Variants in CERS6 observed in about 807,000 individuals in gnomAD.
CERS6 encodes the protein LAG1 homolog, ceramide synthase 6.
CERS6 carries 26 observed loss-of-function variants against 56.8 expected under a neutral mutation model. The observed-to-expected ratio is 0.46, with a 90% CI of 0.34 to 0.63. The LOEUF (loss-of-function observed/expected upper bound fraction) is 0.63. CERS6 is among the 30% of genes least tolerant of loss of function. The pLI, the probability that CERS6 is intolerant of heterozygous loss-of-function variation, is 0.01. For synonymous variants in CERS6, 164 were observed against 173.3 expected (o/e 0.95, Z 0.42); for missense variants, 415 against 467.5 (o/e 0.89, Z 1.04).
At chr2:168,504,178 G>C (rs1031773957) in intron 1 of CERS6, among the ~76,000 whole-genome samples, 3 of 152,098 alleles carry the variant, frequency 2.0e-5, no homozygotes, top group African/African-American at 7.2e-5. Context: ...TGGGAGCCAA[G>C]GTAGGCAGAT....
Position 168,724,452 on chromosome 2 carries a change from C to G in CERS6, c.845+6474C>G, listed in dbSNP as rs139373050. 7.2e-3 allele frequency among the ~76,000 whole-genome samples: 1,099 copies of G among 152,238 alleles called. 15 individuals carry two copies. Among genetic ancestry groups the G allele is most frequent in the African/African-American group, 0.025 (1,042 of 41,528 alleles). ...GGCTCGGGCAGCCTGCTTTTATTCT[C>G]TTATCTGGCCCCACCCACATCGTGC... On this transcript the variant is annotated intron_variant, in intron 8 of 9. Transcript: ENST00000305747.
intron 3 of CERS6, among the ~76,000 whole-genome samples, chr2:168,600,316 A>G (rs6742974): frequency 0.99 from 150,976 of 151,854 alleles, 75,061 homozygotes; most frequent in South Asian, 1. Context: ...GCCATTCTCC[A>G]GCCACAGCCT....
At chr2:168,694,610 G>A (rs1369619431) in intron 5 of CERS6, among the ~76,000 whole-genome samples, 1 of 152,094 alleles carries the variant, frequency 6.6e-6, no homozygotes, top group African/African-American at 2.4e-5. Flanking sequence ...GTTGTCCAGG[G>A]TTATTCTTTG....
chr2:168,581,798 T>G (rs2105396528), intron 3 of CERS6, among the ~76,000 whole-genome samples: 1 of 152,346 alleles, frequency 6.6e-6, no homozygotes, highest in East Asian at 1.9e-4. Context: ...TGGAACCTGT[T>G]TTTCCTTGTG....
chr2:168,609,661 T>G (rs975962679), intron 3 of CERS6, among the ~76,000 whole-genome samples: 1 of 152,202 alleles, frequency 6.6e-6, no homozygotes, highest in African/African-American at 2.4e-5. Context: ...TTCCCTGCTC[T>G]GTGTTACCCT....
intron 4 of CERS6, among the ~76,000 whole-genome samples, chr2:168,668,206 T>A (rs368298780): frequency 5.3e-5 from 8 of 152,316 alleles, no homozygotes; most frequent in African/African-American, 1.7e-4. Flanking sequence ...TAATCTCAAA[T>A]GTTCTTCAAT....
intron 1 of CERS6, among the ~76,000 whole-genome samples, chr2:168,505,908 A>G (rs1006649645): frequency 7.2e-5 from 11 of 152,172 alleles, no homozygotes; most frequent in Non-Finnish European, 1.6e-4. Flanking sequence ...AATAAAGAGC[A>G]TTCTTTTGTA....
intron 1 of CERS6, among the ~76,000 whole-genome samples, chr2:168,531,556 T>C (rs1483428920): frequency 6.6e-6 from 1 of 152,148 alleles, no homozygotes; most frequent in Non-Finnish European, 1.5e-5. Context: ...GTGCGGTGGC[T>C]CACGTCTGTA....
intron 8 of CERS6, among the ~76,000 whole-genome samples, chr2:168,738,667 G>A (rs1161292038): frequency 6.6e-6 from 1 of 152,022 alleles, no homozygotes; most frequent in Non-Finnish European, 1.5e-5. Flanking sequence ...ATAAGTTGTT[G>A]GTCAAAGAAA....
intron 1 of CERS6, among the ~76,000 whole-genome samples, chr2:168,540,568 C>T (rs1695349463): frequency 6.6e-6 from 1 of 152,144 alleles, no homozygotes; most frequent in African/African-American, 2.4e-5. Flanking sequence ...TAGGCCATAC[C>T]ATCTAGGTTT....
chr2:168,630,301 TACACAC>T lies in CERS6; in HGVS notation c.408-663_408-658del, dbSNP rs3066962. 1.2e-3 allele frequency among the ~76,000 whole-genome samples: 162 copies of T among 139,742 alleles called. 1 individual carries two copies. Among genetic ancestry groups the T allele is most frequent in the Admixed American group, 1.4e-3 (20 of 14,572 alleles). The allele number at this position is 139,742 out of a possible 152,430, so 91.7% of individuals were successfully genotyped here. A position where few individuals can be genotyped will look rare whatever the true frequency, so the allele number is the denominator to read the frequency against. ...GAGTAAGAGTTTTTTGTAATAAGTATACACACACACACACACACACACACACGCACA... is the reference window on the plus strand; with the variant it reads ...GAGTAAGAGTTTTTTGTAATAAGTATACACACACACACACACACACGCACA... On this transcript the variant is annotated intron_variant, in intron 3 of 9. Coordinates refer to ENST00000305747, the MANE Select transcript of CERS6 (RefSeq NM_203463.3).
chr2:168,540,419 A>G lies in CERS6; in HGVS notation c.171-7177A>G, dbSNP rs559147417. Among the ~76,000 whole-genome samples the G allele has an allele frequency of 2.6e-5, 4 of 152,350 alleles. No homozygotes were observed. The South Asian group carries it at 6.2e-4, about 24-fold the overall frequency. Reference sequence around the variant, plus strand: ...GGCACCTTCTTCACAAGACAGCAGGACAGATGGAGTCCTTTTCTATGTTTA... The same window carrying G: ...GGCACCTTCTTCACAAGACAGCAGGGCAGATGGAGTCCTTTTCTATGTTTA... On this transcript the variant is annotated intron_variant, in intron 1 of 9. Coordinates refer to ENST00000305747, the MANE Select transcript of CERS6 (RefSeq NM_203463.3).
At chr2:168,579,279 G>A (rs948554654) in intron 3 of CERS6, among the ~76,000 whole-genome samples, 8 of 152,132 alleles carry the variant, frequency 5.3e-5, no homozygotes, top group Admixed American at 4.6e-4. Context: ...AGTTGGGGGG[G>A]CACTGGAGAG....
chr2:168,539,668 A>T (rs369527925), intron 1 of CERS6, among the ~76,000 whole-genome samples: 1 of 152,168 alleles, frequency 6.6e-6, no homozygotes, highest in South Asian at 2.1e-4. Context: ...ATCAGTCTAT[A>T]TTGTTCTGGT....
At chr2:168,645,309 T>G (rs1339828749) in intron 4 of CERS6, among the ~76,000 whole-genome samples, 1 of 148,994 alleles carries the variant, frequency 6.7e-6, no homozygotes, top group Non-Finnish European at 1.5e-5. Context: ...AACTGTGGGG[T>G]TTTTTGTGAT....
chr2:168,594,327 G>C (rs1683743907), intron 3 of CERS6, among the ~76,000 whole-genome samples: 1 of 152,212 alleles, frequency 6.6e-6, no homozygotes, highest in Non-Finnish European at 1.5e-5. Flanking sequence ...GTTCATGCCT[G>C]TAATCCTAGC....
chr2:168,680,824 A>G (rs1686196709), intron 4 of CERS6, among the ~76,000 whole-genome samples: 1 of 152,176 alleles, frequency 6.6e-6, no homozygotes, highest in Non-Finnish European at 1.5e-5. Flanking sequence ...AGCCTCCAGA[A>G]CTCTGAGGAA....
chr2:168,481,733 C>T (rs1000330845), intron 1 of CERS6, among the ~76,000 whole-genome samples: 2 of 152,200 alleles, frequency 1.3e-5, no homozygotes, highest in Non-Finnish European at 2.9e-5. Context: ...ACGTTGAAAT[C>T]ATGGCTTAGC....
intron 2 of CERS6, among the ~76,000 whole-genome samples, chr2:168,553,813 G>C (rs1046447431): frequency 1.3e-5 from 2 of 152,124 alleles, no homozygotes; most frequent in African/African-American, 4.8e-5. Context: ...AATGTTCTAG[G>C]TTCTCACAGT....
Sources: allele counts gnomAD v4.1 joint callset (sites outside exome capture counted in the v4.1 genomes callset), GRCh38; gene constraint gnomAD v4.1.1; transcripts MANE v1.5; gene names NCBI Gene and HGNC (gene_info 2026-07-23, HGNC 2026-07-21).